Variants in XIRP2 observed in about 807,000 individuals in gnomAD.
XIRP2 encodes the protein xin actin-binding repeat-containing protein 2.
XIRP2 carries 236 observed loss-of-function variants against 277.0 expected under a neutral mutation model. The observed-to-expected ratio is 0.85, with a 90% CI of 0.77 to 0.95. XIRP2 has a LOEUF of 0.95. Among genes scored for constraint, XIRP2 ranks in the 40% least tolerant of loss-of-function variants. The pLI is 0.00. For missense variants in XIRP2, 4,640 were observed against 4,157.5 expected, an observed-to-expected ratio of 1.12 and a Z score of -3.19; for synonymous variants, 1,490 against 1,416.5, an observed-to-expected ratio of 1.05 and a Z score of -1.17.
intron 5 of XIRP2, among the ~76,000 whole-genome samples, chr2:167,219,468 T>C (rs1694359103): frequency 6.6e-6 from 1 of 152,190 alleles, no homozygotes; most frequent in African/African-American, 2.4e-5. Flanking sequence ...TTATAGATCC[T>C]TCACTTTGAA....
Position 167,097,055 on chromosome 2 carries a change from T to A in XIRP2, c.409-38854T>A, listed in dbSNP as rs571255657. Among the ~76,000 whole-genome samples, 3 of 152,322 alleles carry A rather than the reference T, an allele frequency of 2.0e-5. No homozygotes were observed. In the East Asian group the frequency reaches 5.8e-4, roughly 29 times the overall value. ...GGGTGGAGAGTTCTGTATATGTCAATTAGGTTCACTAGGTCCAGAGCTGAG... is the reference window on the plus strand; with the variant it reads ...GGGTGGAGAGTTCTGTATATGTCAAATAGGTTCACTAGGTCCAGAGCTGAG... On this transcript the variant is annotated intron_variant, in intron 2 of 10. Coordinates refer to ENST00000409195, the MANE Select transcript of XIRP2 (RefSeq NM_152381.6).
chr2:167,199,046 T>C lies in XIRP2; in HGVS notation c.563-11689T>C, dbSNP rs188475468. Among the ~76,000 whole-genome samples, 1,026 of 152,232 alleles carry C rather than the reference T, an allele frequency of 6.7e-3. 7 individuals are homozygous for C. The highest frequency in any genetic ancestry group is 0.011 in the Non-Finnish European group (730 of 68,008). ...TTATTATTCAAACAAGAAGTGTGAT[T>C]AGTAGGAGAAAAGCTGCCAGGGTGT... On this transcript the variant is annotated intron_variant, in intron 3 of 10. Coordinates refer to ENST00000409195, the MANE Select transcript of XIRP2 (RefSeq NM_152381.6).
intron 1 of XIRP2, among the ~76,000 whole-genome samples, chr2:166,894,179 A>C (rs778345983): frequency 6.8e-4 from 103 of 152,270 alleles, no homozygotes; most frequent in South Asian, 6.2e-4. Context: ...AATTCTTACA[A>C]TGACAGAGAT....
intron 2 of XIRP2, among the ~76,000 whole-genome samples, chr2:167,006,910 T>C (rs1877192): frequency 0.19 from 29,113 of 151,502 alleles, 3,709 homozygotes; most frequent in East Asian, 0.68. Flanking sequence ...AACCTATTCA[T>C]TTTTCACTAA....
intron 2 of XIRP2, among the ~76,000 whole-genome samples, chr2:167,107,137 A>C (rs1034296399): frequency 6.6e-5 from 10 of 151,908 alleles, no homozygotes; most frequent in African/African-American, 2.4e-4. Context: ...AGTCATCTGC[A>C]AATAGGCACA....
At chr2:166,900,235 A>G (rs1037925198) in intron 1 of XIRP2, among the ~76,000 whole-genome samples, 3 of 151,984 alleles carry the variant, frequency 2.0e-5, no homozygotes, top group Middle Eastern at 3.4e-3. Context: ...AAATTCACTG[A>G]TCCTTTCCTT....
chr2:167,146,982 A>G (rs890124410), intron 3 of XIRP2, among the ~76,000 whole-genome samples: 7 of 152,300 alleles, frequency 4.6e-5, no homozygotes, highest in African/African-American at 1.7e-4. Context: ...AATGAGATAA[A>G]TAATTTTTGA....
chr2:166,921,335 A>G (rs1210496646), intron 2 of XIRP2, among the ~76,000 whole-genome samples: 1 of 152,034 alleles, frequency 6.6e-6, no homozygotes, highest in African/African-American at 2.4e-5. Flanking sequence ...CCCAGTAACA[A>G]ATGAGAATTC....
chr2:167,039,071 G>A (rs1298418325), intron 2 of XIRP2, among the ~76,000 whole-genome samples: 1 of 151,916 alleles, frequency 6.6e-6, no homozygotes, highest in Non-Finnish European at 1.5e-5. Flanking sequence ...GAACGATTTG[G>A]TGTATTATTT....
chr2:166,907,596 T>C (rs1392797627), intron 2 of XIRP2, among the ~76,000 whole-genome samples: 1 of 151,750 alleles, frequency 6.6e-6, no homozygotes, highest in Non-Finnish European at 1.5e-5. Flanking sequence ...CCCAGATGTA[T>C]GGACAGGTCA....
rs530558915 is a variant in XIRP2, at chr2:167,158,368, A to T, written c.562+22306A>T. 3.3e-5 allele frequency among the ~76,000 whole-genome samples: 5 copies of T among 152,266 alleles called. No individual in the cohort carries two copies. In the South Asian group the frequency reaches 1.0e-3, roughly 32 times the overall value. On this transcript the variant is annotated intron_variant, in intron 3 of 10. Transcript: ENST00000409195. ...CATTTTGCAAATTTGAAAACACTAGATTTTTTTATGCAACATTTTGAAATT... is the reference window on the plus strand; with the variant it reads ...CATTTTGCAAATTTGAAAACACTAGTTTTTTTTATGCAACATTTTGAAATT...
chr2:166,891,869 C>A (rs575635718), intron 1 of XIRP2, among the ~76,000 whole-genome samples: 190 of 152,256 alleles, frequency 1.2e-3, no homozygotes, highest in Middle Eastern at 3.4e-3. Flanking sequence ...TTTACCTAAC[C>A]TTAACTTGCT....
At chr2:166,978,517 C>T (rs1277372290) in intron 2 of XIRP2, among the ~76,000 whole-genome samples, 1 of 151,982 alleles carries the variant, frequency 6.6e-6, no homozygotes, top group South Asian at 2.1e-4. Flanking sequence ...CATAGTATAT[C>T]GTTCTATTTA....
intron 2 of XIRP2, among the ~76,000 whole-genome samples, chr2:167,012,951 G>A (rs1018721487): frequency 6.6e-6 from 1 of 151,100 alleles, no homozygotes; most frequent in African/African-American, 2.4e-5. Flanking sequence ...TTAGGATGTA[G>A]TAGTAAAATT....
intron 3 of XIRP2, among the ~76,000 whole-genome samples, chr2:167,205,328 T>C (rs1430018207): frequency 6.6e-6 from 1 of 152,202 alleles, no homozygotes; most frequent in Non-Finnish European, 1.5e-5. Flanking sequence ...ATAAACCTTA[T>C]CAATTATATG....
chr2:167,255,149 C>G (rs1695622571), intron 10 of XIRP2, among the ~76,000 whole-genome samples: 1 of 151,748 alleles, frequency 6.6e-6, no homozygotes, highest in Non-Finnish European at 1.5e-5. Flanking sequence ...ATTTATTCTT[C>G]TCAACGTTTC....
Position 167,248,067 on chromosome 2 carries a change from G to T in XIRP2, c.6675G>T (p.Met2225Ile). The T allele has an allele frequency of 2.5e-6, 4 of 1,613,570 alleles. No homozygotes were observed. The highest frequency in any genetic ancestry group is 3.4e-6 in the Non-Finnish European group (4 of 1,179,746). Residue 2225 changes from methionine (M) to isoleucine (I), a missense_variant, in exon 9 of 11, where the codon ATG (methionine) becomes ATT (isoleucine). Transcript: ENST00000409195. ...AAGACACATCCAATGTAACAGAAAT[G>T]AAAGTCTCTGAAAAAAGTCACAATA... is the stretch of plus-strand genomic sequence containing the variant. ...VEQDTSNVTE[M>I]KVSEKSHNTF... is the part of the protein sequence containing the mutation.
intron 2 of XIRP2, among the ~76,000 whole-genome samples, chr2:166,996,254 A>T (rs1482838894): frequency 2.0e-5 from 3 of 152,216 alleles, no homozygotes; most frequent in Non-Finnish European, 4.4e-5. Context: ...AATTTGGTGA[A>T]ACGTAAAACA....
chr2:167,187,954 T>C (rs1391133905), intron 3 of XIRP2, among the ~76,000 whole-genome samples: 5 of 152,226 alleles, frequency 3.3e-5, no homozygotes, highest in African/African-American at 4.8e-5. Context: ...TTTTCAACTG[T>C]TACAGCTTGC....
Sources: allele counts gnomAD v4.1 joint callset (sites outside exome capture counted in the v4.1 genomes callset), GRCh38; gene constraint gnomAD v4.1.1; transcripts MANE v1.5; gene names NCBI Gene and HGNC (gene_info 2026-07-23, HGNC 2026-07-21).